Variants in FOXP1 observed in about 807,000 individuals in gnomAD.
FOXP1 encodes forkhead box P1, also known as forkhead box protein P1.
Under a neutral mutation model 98.2 loss-of-function variants are expected in FOXP1, and 15 were observed. The ratio of observed to expected loss-of-function variants is 0.15; its 90% CI spans 0.10 to 0.24. FOXP1 has a LOEUF of 0.24. FOXP1 is among the 10% of genes least tolerant of loss of function. The pLI is 1.00. For synonymous variants in FOXP1, 371 were observed against 314.5 expected (o/e 1.18, Z -1.90); for missense variants, 633 against 848.5 (o/e 0.75, Z 3.15).
chr3:71,395,035 G>C (rs1329282692), intron 3 of FOXP1, among the ~76,000 whole-genome samples: 2 of 148,540 alleles, frequency 1.3e-5, no homozygotes, highest in African/African-American at 5.0e-5. Context: ...AGGAGGCAGA[G>C]GTTGCGGTGA....
chr3:71,367,028 C>A (rs1360490656), intron 3 of FOXP1, among the ~76,000 whole-genome samples: 1 of 152,200 alleles, frequency 6.6e-6, no homozygotes, highest in Non-Finnish European at 1.5e-5. Context: ...TTAATAACCT[C>A]AAACAGTTCT....
Position 71,012,767 on chromosome 3 carries a change from C to T in FOXP1, c.974+2782G>A, listed in dbSNP as rs375274433. On this transcript the variant is annotated intron_variant, in intron 12 of 20. Coordinates refer to ENST00000649528, the MANE Select transcript of FOXP1 (RefSeq NM_001349338.3). ...CTGGAGACCTGCACATAAATCAGCT[C>T]ACCTCTGTTTCCCTGGGGCTTGAAT... 8.5e-5 allele frequency among the ~76,000 whole-genome samples: 13 copies of T among 152,266 alleles called. 1 individual carries two copies. The East Asian group carries it at 9.7e-4, about 11-fold the overall frequency.
At chr3:71,535,379 G>C (rs918888842) in intron 2 of FOXP1, among the ~76,000 whole-genome samples, 6 of 152,224 alleles carry the variant, frequency 3.9e-5, no homozygotes, top group African/African-American at 1.4e-4. Context: ...AGTCTGCTGA[G>C]AGCCAGTGGC....
rs768808069 is a variant in FOXP1, at chr3:71,052,493, C to T, written c.510+44G>A. 1.0e-5 allele frequency: 9 copies of T among 881,510 alleles called. No individual in the cohort carries two copies. In the Middle Eastern group the frequency reaches 8.6e-4, roughly 85 times the overall value. 54.6% of individuals were successfully genotyped at this position (881,510 alleles called of 1,614,324 possible). A position where few individuals can be genotyped will look rare whatever the true frequency, so the allele number is the denominator to read the frequency against. On this transcript the variant is annotated intron_variant, in intron 9 of 20. Coordinates refer to ENST00000649528, the MANE Select transcript of FOXP1 (RefSeq NM_001349338.3). ...ACAGTTTAATAGCCACTAGATAGTCCTCTGGGATCTGTGGTTTGAAAGTAA... is the reference window on the plus strand; with the variant it reads ...ACAGTTTAATAGCCACTAGATAGTCTTCTGGGATCTGTGGTTTGAAAGTAA...
At chr3:71,079,724 G>A (rs1229403301) in intron 7 of FOXP1, among the ~76,000 whole-genome samples, 4 of 152,160 alleles carry the variant, frequency 2.6e-5, no homozygotes, top group Non-Finnish European at 5.9e-5. Context: ...ACCAAGAGAG[G>A]TCCGGCCCTG....
intron 5 of FOXP1, among the ~76,000 whole-genome samples, chr3:71,205,090 T>A (rs994758507): frequency 6.6e-6 from 1 of 152,238 alleles, no homozygotes; most frequent in Admixed American, 6.5e-5. Flanking sequence ...GCTATTTTAA[T>A]GTATGCAAAG....
At chr3:71,408,884 T>G (rs753589989) in intron 3 of FOXP1, among the ~76,000 whole-genome samples, 1 of 152,216 alleles carries the variant, frequency 6.6e-6, no homozygotes, top group African/African-American at 2.4e-5. Context: ...GCAGAATCGA[T>G]GAACAAATCA....
intron 6 of FOXP1, among the ~76,000 whole-genome samples, chr3:71,155,529 C>CA (rs2060778616): frequency 6.6e-6 from 1 of 152,106 alleles, no homozygotes; most frequent in Non-Finnish European, 1.5e-5. Context: ...GCTCAAGAGC[C>CA]CCATGGGACC....
intron 2 of FOXP1, among the ~76,000 whole-genome samples, chr3:71,497,184 G>T (rs1035110297): frequency 3.3e-5 from 5 of 151,796 alleles, no homozygotes; most frequent in African/African-American, 1.2e-4. Flanking sequence ...AGAAAAAAAT[G>T]ACAGAAACCC....
chr3:71,083,824 C>T (rs552565817), intron 7 of FOXP1, among the ~76,000 whole-genome samples: 20 of 152,288 alleles, frequency 1.3e-4, no homozygotes, highest in South Asian at 4.2e-4. Flanking sequence ...CACTCTCTCA[C>T]CCCAACCCCT....
At chr3:71,123,491 C>A (rs980223136) in intron 6 of FOXP1, among the ~76,000 whole-genome samples, 8 of 152,218 alleles carry the variant, frequency 5.3e-5, no homozygotes, top group African/African-American at 1.9e-4. Flanking sequence ...TTCAGCTAAG[C>A]CAAGGTTGGA....
intron 7 of FOXP1, among the ~76,000 whole-genome samples, chr3:71,097,206 G>T (rs981787367): frequency 6.6e-6 from 1 of 152,174 alleles, no homozygotes; most frequent in Non-Finnish European, 1.5e-5. Context: ...CTTGAGCCAA[G>T]AATTGTTTTT....
intron 11 of FOXP1, among the ~76,000 whole-genome samples, chr3:71,021,733 G>A (rs1032617880): frequency 6.6e-6 from 1 of 152,162 alleles, no homozygotes; most frequent in East Asian, 1.9e-4. Flanking sequence ...GCTAGGAAAT[G>A]GTACCTTATT....
rs542683089 is a variant in FOXP1, at chr3:71,469,812, C to A, written c.-168+23614G>T. On this transcript the variant is annotated intron_variant, in intron 3 of 20. Coordinates refer to ENST00000649528, the MANE Select transcript of FOXP1 (RefSeq NM_001349338.3). ...GGAACTTTCTCAAATATCAGTTCCCCCCCAGTGAATTTTGCACACAGATGA... is the reference window on the plus strand; with the variant it reads ...GGAACTTTCTCAAATATCAGTTCCCACCCAGTGAATTTTGCACACAGATGA... Among the ~76,000 whole-genome samples, 16 of 152,288 alleles carry A rather than the reference C, an allele frequency of 1.1e-4. No individual in the cohort carries two copies. The South Asian group carries it at 2.9e-3, about 28-fold the overall frequency.
intron 3 of FOXP1, among the ~76,000 whole-genome samples, chr3:71,461,464 A>G (rs928988947): frequency 3.9e-5 from 6 of 152,188 alleles, no homozygotes; most frequent in Non-Finnish European, 5.9e-5. Context: ...ACTGTGTTCC[A>G]GCCTGGGCGA....
At chr3:71,237,771 A>G (rs865978868) in intron 5 of FOXP1, among the ~76,000 whole-genome samples, 4 of 152,234 alleles carry the variant, frequency 2.6e-5, no homozygotes, top group Non-Finnish European at 5.9e-5. Flanking sequence ...CCACATATCT[A>G]TAAGTTCCAC....
chr3:71,031,149 T>C (rs1180986067), intron 11 of FOXP1, among the ~76,000 whole-genome samples: 1 of 152,170 alleles, frequency 6.6e-6, no homozygotes, highest in Non-Finnish European at 1.5e-5. Flanking sequence ...ATAGTACATC[T>C]TCAAACACTC....
At chr3:71,121,086 T>C (rs1402540346) in intron 6 of FOXP1, among the ~76,000 whole-genome samples, 3 of 150,868 alleles carry the variant, frequency 2.0e-5, no homozygotes, top group Non-Finnish European at 4.4e-5. Flanking sequence ...GAGAAAAAAT[T>C]ACGCAAATGT....
intron 1 of FOXP1, chr3:71,582,565 G>A: frequency 1.0e-6 from 1 of 985,458 alleles, no homozygotes; most frequent in Non-Finnish European, 1.2e-6. Flanking sequence ...GCGCGACGCA[G>A]GACAAATCGG....
Sources: allele counts gnomAD v4.1 joint callset (sites outside exome capture counted in the v4.1 genomes callset), GRCh38; gene constraint gnomAD v4.1.1; transcripts MANE v1.5; gene names NCBI Gene and HGNC (gene_info 2026-07-23, HGNC 2026-07-21).